The following DNAH6 variants were observed in gnomAD, a reference collection of about 807,000 sequenced individuals.
DNAH6 encodes axonemal beta dynein heavy chain 6.
A neutral mutation model predicts 491.4 loss-of-function variants in DNAH6; 340 were observed. The ratio of observed to expected loss-of-function variants is 0.69; its 90% CI spans 0.63 to 0.76. The LOEUF is 0.76. Ranked by LOEUF, DNAH6 falls within the 30% of genes least tolerant of loss-of-function variation. The pLI is 0.00. For synonymous variants in DNAH6, 1,603 were observed against 1,686.1 expected, an observed-to-expected ratio of 0.95 and a Z score of 1.21; for missense variants, 4,443 against 4,972.2, an observed-to-expected ratio of 0.89 and a Z score of 3.20.
intron 62 of DNAH6, among the ~76,000 whole-genome samples, chr2:84,737,848 A>C (rs959878088): frequency 6.6e-6 from 1 of 151,736 alleles, no homozygotes; most frequent in South Asian, 2.1e-4. Flanking sequence ...CCCTGATTAT[A>C]GTTCTTTTAT....
intron 74 of DNAH6, 37 bp from the exon 75 acceptor site, chr2:84,813,934 T>G (rs1159118977): frequency 1.3e-6 from 2 of 1,549,216 alleles, no homozygotes; most frequent in African/African-American, 2.7e-5. Flanking sequence ...AGTAGCAGTG[T>G]TGTTTGAACG....
intron 3 of DNAH6, among the ~76,000 whole-genome samples, chr2:84,528,112 A>G (rs147324510): frequency 7.2e-4 from 110 of 152,200 alleles, no homozygotes; most frequent in African/African-American, 2.5e-3. Flanking sequence ...TGGCACTGAG[A>G]GCACAGACAG....
intron 23 of DNAH6, among the ~76,000 whole-genome samples, chr2:84,618,054 C>T (rs1182121974): frequency 6.6e-6 from 1 of 151,958 alleles, no homozygotes; most frequent in Non-Finnish European, 1.5e-5. Context: ...TCAGCCAGAA[C>T]TGAAACTGAA....
intron 70 of DNAH6, among the ~76,000 whole-genome samples, chr2:84,798,082 A>C (rs1678514512): frequency 6.6e-6 from 1 of 152,260 alleles, no homozygotes; most frequent in Non-Finnish European, 1.5e-5. Context: ...CAAATGTCCA[A>C]AGCAGATAAA....
chr2:84,593,560 GCA>G (rs924724803), intron 16 of DNAH6, among the ~76,000 whole-genome samples: 8 of 152,170 alleles, frequency 5.3e-5, no homozygotes, highest in African/African-American at 9.6e-5. Flanking sequence ...ACCAGCTACC[GCA>G]CAGTCATCTC....
chr2:84,479,394 T>C, the DNAH6 span, among the ~76,000 whole-genome samples: 1 of 152,230 alleles, frequency 6.6e-6, no homozygotes, highest in East Asian at 1.9e-4. Context: ...CTTCCACCAC[T>C]TCTCTGAACT....
chr2:84,796,734 T>C (rs1240056431), intron 69 of DNAH6, among the ~76,000 whole-genome samples: 3 of 152,204 alleles, frequency 2.0e-5, no homozygotes, highest in Non-Finnish European at 4.4e-5. Flanking sequence ...TAGTGGCACA[T>C]GTCTGTGGTC....
At chr2:84,623,726 C>T (rs1021561600) in intron 26 of DNAH6, among the ~76,000 whole-genome samples, 1 of 152,134 alleles carries the variant, frequency 6.6e-6, no homozygotes, top group Non-Finnish European at 1.5e-5. Flanking sequence ...GCTGCTCTTC[C>T]TTGAAAAAGA....
intron 69 of DNAH6, 118 bp from the exon 70 acceptor site, chr2:84,797,418 CT>C: frequency 3.2e-6 from 3 of 928,246 alleles, no homozygotes; most frequent in Non-Finnish European, 4.7e-6. Flanking sequence ...AACAATCCCC[CT>C]TTCTACATGA....
At chr2:84,744,182 A>G (rs888056481) in intron 62 of DNAH6, among the ~76,000 whole-genome samples, 1 of 152,226 alleles carries the variant, frequency 6.6e-6, no homozygotes, top group African/African-American at 2.4e-5. Context: ...TTAAGCCCCC[A>G]GAGGAGAGCC....
intron 22 of DNAH6, among the ~76,000 whole-genome samples, chr2:84,614,289 G>A (rs562878692): frequency 1.4e-4 from 22 of 152,100 alleles, no homozygotes; most frequent in African/African-American, 4.8e-4. Flanking sequence ...ATGATGCTTG[G>A]TTTTCCATTC....
Position 84,805,680 on chromosome 2 carries a change from A to G in DNAH6, c.11497A>G (p.Thr3833Ala), listed in dbSNP as rs778155014. The G allele has an allele frequency of 1.3e-6, 2 of 1,551,458 alleles. No individual in the cohort carries two copies. The highest frequency in any genetic ancestry group is 2.4e-5 in the South Asian group (2 of 83,930). The change falls in exon 71 of 77, where the codon ACT becomes GCT. Residue 3833 changes from threonine to alanine, a missense_variant. Thr to Ala is a moderately conservative substitution (Grantham distance 58, BLOSUM62 0). Around this residue, in one of 3 missense-constraint regions of DNAH6, gnomAD observed 1,463 missense variants for 1,656.6 expected, o/e 0.88. Coordinates refer to ENST00000389394, the MANE Select transcript of DNAH6 (RefSeq NM_001370.2). ...GCCATTACAGTACAAAGAGACCAGC[A>G]CTTTAATCAACACCATACTTGAGGT... Reference protein sequence around the residue: ...NLVFQYKETSTLINTILEVQP... With the variant: ...NLVFQYKETSALINTILEVQP...
chr2:84,789,548 C>T (rs1360689874), intron 68 of DNAH6, among the ~76,000 whole-genome samples: 1 of 152,182 alleles, frequency 6.6e-6, no homozygotes, highest in Non-Finnish European at 1.5e-5. Context: ...GGAAGTGGTC[C>T]AGTCAAAGCA....
rs769666849 is a variant in DNAH6 at position 84,557,946 on chromosome 2, T to C, written c.1803+11T>C. On this transcript the variant is annotated intron_variant, in intron 11 of 76. Transcript: ENST00000389394. Reference sequence around the variant, plus strand: ...ATTTCTCAAATAAAGGTATGTTTACTCTGACTAAAACTATTCTATAATATT... The same window carrying C: ...ATTTCTCAAATAAAGGTATGTTTACCCTGACTAAAACTATTCTATAATATT... 1 of 1,552,744 alleles carries C rather than the reference T, an allele frequency of 6.4e-7. No individual in the cohort carries two copies. Among genetic ancestry groups the C allele is most frequent in the Non-Finnish European group, 8.9e-7 (1 of 1,129,498 alleles).
At chr2:84,685,575 G>C in intron 43 of DNAH6, 103 bp downstream of exon 43, 1 of 612,896 alleles carries the variant, frequency 1.6e-6, no homozygotes, top group Admixed American at 3.9e-5. Context: ...TAATTTATGA[G>C]TAAAAGTTAT....
chr2:84,533,242 C>T (rs539156882), intron 4 of DNAH6, among the ~76,000 whole-genome samples: 99 of 152,032 alleles, frequency 6.5e-4, no homozygotes, highest in African/African-American at 2.3e-3. Flanking sequence ...TGGATCTCCT[C>T]AAATCAAGGA....
At chr2:84,729,203 T>C (rs748898648) in intron 61 of DNAH6, among the ~76,000 whole-genome samples, 3 of 152,228 alleles carry the variant, frequency 2.0e-5, no homozygotes, top group Non-Finnish European at 2.9e-5. Flanking sequence ...GTTTTATATA[T>C]ATCAACTCCC....
intron 42 of DNAH6, among the ~76,000 whole-genome samples, chr2:84,682,890 T>C (rs573460791): frequency 6.6e-6 from 1 of 152,330 alleles, no homozygotes; most frequent in South Asian, 2.1e-4. Flanking sequence ...GAGACCCTCC[T>C]GAGGCTGCTT....
intron 33 of DNAH6, among the ~76,000 whole-genome samples, chr2:84,650,650 G>A (rs1234570197): frequency 6.6e-6 from 1 of 152,122 alleles, no homozygotes; most frequent in East Asian, 1.9e-4. Context: ...TAGTCAGAAG[G>A]CTGAGGCGGG....
Sources: gnomAD v4.1 joint callset for allele counts (sites outside exome capture counted in the v4.1 genomes callset) on GRCh38, gnomAD v4.1.1 for gene constraint, gnomAD v4.1.1 regional missense constraint, MANE v1.5 for transcripts, NCBI Gene and HGNC (gene_info 2026-07-23, HGNC 2026-07-21) for gene names.